The following CDH19 variants were observed in gnomAD, a reference collection of about 807,000 sequenced individuals.
The protein encoded by CDH19 is cadherin-19.
Under a neutral mutation model 64.2 loss-of-function variants are expected in CDH19, and 67 were observed. That is an observed-to-expected ratio of 1.04 (90% CI 0.86 to 1.28). CDH19 has a LOEUF of 1.28. CDH19 is among the 50% of genes most tolerant of loss of function. The probability of loss-of-function intolerance (pLI) is 0.00; values close to 1 mark genes in which losing one functional copy is unlikely to be tolerated. For missense variants in CDH19, 1,030 were observed against 929.0 expected, an observed-to-expected ratio of 1.11 and a Z score of -1.41; for synonymous variants, 346 against 319.3, an observed-to-expected ratio of 1.08 and a Z score of -0.89.
chr18:66,527,609 G>C (rs1986273651), intron 9 of CDH19, among the ~76,000 whole-genome samples: 1 of 152,028 alleles, frequency 6.6e-6, no homozygotes, highest in South Asian at 2.1e-4. Flanking sequence ...ATTTAGCCGG[G>C]TGTGGTGGCG....
In CDH19 at chr18:66,509,071, G is replaced by C. The variant is rs1985341949; in HGVS notation, c.1752C>G (p.Tyr584Ter). 6.2e-7 allele frequency: 1 copy of C among 1,612,630 alleles called. No homozygotes were observed. The highest frequency in any genetic ancestry group is 8.5e-7 in the Non-Finnish European group (1 of 1,179,134). ...ATCCCATGGAAAGCACAAGCTCCTGGTACTGGCAGGTCTGTGTGCTCCCAC... is the reference window on the plus strand; with the variant it reads ...ATCCCATGGAAAGCACAAGCTCCTGCTACTGGCAGGTCTGTGTGCTCCCAC... ...GDSGSTQTCQ[Y>*]QELVLSMGFK... Residue 584 changes from tyrosine (Y) to a stop codon, truncating the protein, a stop_gained, in exon 11 of 12, where the codon TAC (tyrosine) becomes TAG (stop). Coordinates refer to ENST00000262150, the MANE Select transcript of CDH19 (RefSeq NM_021153.4). LOFTEE classifies it high-confidence loss of function.
chr18:66,564,614 T>C (rs75063387), intron 3 of CDH19, among the ~76,000 whole-genome samples: 6,886 of 151,988 alleles, frequency 0.045, 229 homozygotes, highest in Admixed American at 0.1. Flanking sequence ...GGAAGTCAGA[T>C]TTTAAATTTT....
In CDH19 at chr18:66,568,402, TTAATA is replaced by T. The variant is rs757326864; in HGVS notation, c.490+9_490+13del. On this transcript the variant is annotated intron_variant, in intron 3 of 11. Coordinates refer to ENST00000262150, the MANE Select transcript of CDH19 (RefSeq NM_021153.4). Reference sequence around the variant, plus strand: ...ATTGTTAATATATCTTTGATGTAAATTAATATGCAATACCTTCTGGAGACATCTCT... The same window carrying T: ...ATTGTTAATATATCTTTGATGTAAATTGCAATACCTTCTGGAGACATCTCT... The T allele has an allele frequency of 6.3e-7, 1 of 1,584,988 alleles. No individual in the cohort carries two copies. Among genetic ancestry groups the T allele is most frequent in the Admixed American group, 1.8e-5 (1 of 56,928 alleles).
At chr18:66,524,272 G>T (rs1986120671) in intron 9 of CDH19, among the ~76,000 whole-genome samples, 1 of 151,862 alleles carries the variant, frequency 6.6e-6, no homozygotes, top group Non-Finnish European at 1.5e-5. Context: ...TTGCGCTGCT[G>T]CTTTGGAACT....
chr18:66,595,142 A>G (rs1220588471), intron 1 of CDH19, among the ~76,000 whole-genome samples: 1 of 152,032 alleles, frequency 6.6e-6, no homozygotes, highest in Non-Finnish European at 1.5e-5. Flanking sequence ...GTTCTTTGAA[A>G]CTAATGAAAA....
chr18:66,600,859 T>C (rs1229551890), intron 1 of CDH19, among the ~76,000 whole-genome samples: 1 of 151,830 alleles, frequency 6.6e-6, no homozygotes, highest in Admixed American at 6.6e-5. Context: ...GAGAAAATAA[T>C]CAAAAATAAA....
Position 66,501,247 on chromosome 18 carries a change from G to A in CDH19, c.*3565C>T, listed in dbSNP as rs1206871866. The A allele has an allele frequency of 1.3e-5, 2 of 152,018 alleles. No individual in the cohort carries two copies. The highest frequency in any genetic ancestry group is 1.9e-4 in the East Asian group (1 of 5,186). The allele number at this position is 152,018 out of a possible 1,614,324, so 9.4% of individuals were successfully genotyped here. ...TGTGTGCTAGAAACATTTTTTATAC[G>A]ATGATAAATGAACAAGACTGACAAT... On this transcript the variant is annotated 3_prime_UTR_variant, in exon 12 of 12. Transcript: ENST00000262150.
chr18:66,551,140 T>G lies in CDH19; in HGVS notation c.729A>C (p.Leu243Phe), dbSNP rs1008811981. 6.2e-7 allele frequency: 1 copy of G among 1,607,990 alleles called. No homozygotes were observed. The highest frequency in any genetic ancestry group is 8.5e-7 in the Non-Finnish European group (1 of 1,174,930). Residue 243 changes from leucine (L) to phenylalanine (F), a missense_variant, in exon 5 of 12, where the codon TTA (leucine) becomes TTC (phenylalanine). By Grantham distance (22) the Leu-to-Phe change is conservative. Transcript: ENST00000262150. ...PGALSGTTSV[L>F]IKLSDVNDNK... ...TGTCATTAACATCTGAAAGTTTAAT[T>G]AATACACTTGTTGTTCCAGACAACG...
intron 9 of CDH19, among the ~76,000 whole-genome samples, chr18:66,519,141 C>G (rs917180523): frequency 6.6e-6 from 1 of 152,176 alleles, no homozygotes; most frequent in Non-Finnish European, 1.5e-5. Context: ...CTGCTCCACT[C>G]TCATCTCCAA....
At chr18:66,541,677 A>G (rs1180206200) in intron 7 of CDH19, among the ~76,000 whole-genome samples, 4 of 152,176 alleles carry the variant, frequency 2.6e-5, no homozygotes, top group Admixed American at 6.5e-5. Flanking sequence ...ATGAAAAGCA[A>G]TATTATTTAA....
At chr18:66,561,128 T>C (rs1213145415) in intron 3 of CDH19, among the ~76,000 whole-genome samples, 1 of 152,100 alleles carries the variant, frequency 6.6e-6, no homozygotes, top group East Asian at 1.9e-4. Context: ...GAGAAGTCTA[T>C]TTATTGCTCA....
At chr18:66,528,572 T>C (rs1306113146) in intron 9 of CDH19, among the ~76,000 whole-genome samples, 3 of 152,122 alleles carry the variant, frequency 2.0e-5, no homozygotes, top group Non-Finnish European at 4.4e-5. Context: ...TTTTGGAAAA[T>C]ATTTATAGGC....
chr18:66,509,729 C>T (rs1351249933), intron 10 of CDH19, among the ~76,000 whole-genome samples: 3 of 151,696 alleles, frequency 2.0e-5, no homozygotes, highest in African/African-American at 7.2e-5. Context: ...TTTTCTAATA[C>T]TTGTGACCCA....
rs755019694 is a variant in CDH19 at position 66,535,035 on chromosome 18, A to G, written c.1287T>C (p.Asp429=). The change falls in exon 8 of 12, where the codon GAT becomes GAC. Residue 429 remains aspartate (D), a synonymous_variant. Transcript: ENST00000262150. ...GGTTGTACCAAGCACTGATTTCACG[A>G]TCCAGTGAGTTACTTGTAGTGATTG... ...NGTITTSNSL[D]REISAWYNLS... is the part of the protein sequence containing the mutation. 4 of 1,524,144 alleles carry G rather than the reference A, an allele frequency of 2.6e-6. No homozygotes were observed. Among genetic ancestry groups the G allele is most frequent in the Non-Finnish European group, 3.6e-6 (4 of 1,120,722 alleles). 94.4% of individuals were successfully genotyped at this position (1,524,144 alleles called of 1,614,324 possible).
At chr18:66,524,948 T>G (rs545554000) in intron 9 of CDH19, among the ~76,000 whole-genome samples, 61 of 152,254 alleles carry the variant, frequency 4.0e-4, no homozygotes, top group African/African-American at 1.4e-3. Flanking sequence ...TTTTTCCATT[T>G]CGTTTGTGCC....
intron 9 of CDH19, among the ~76,000 whole-genome samples, chr18:66,515,452 C>T (rs995134368): frequency 6.6e-6 from 1 of 151,720 alleles, no homozygotes; most frequent in African/African-American, 2.4e-5. Flanking sequence ...GTAGAACCAA[C>T]AAGAAAGTCT....
At chr18:66,576,642 T>C (rs1367899496) in intron 1 of CDH19, among the ~76,000 whole-genome samples, 1 of 151,476 alleles carries the variant, frequency 6.6e-6, no homozygotes, top group East Asian at 1.9e-4. Flanking sequence ...CAAGATGAAA[T>C]AAAACCTTAT....
intron 1 of CDH19, among the ~76,000 whole-genome samples, chr18:66,587,165 G>C (rs963729854): frequency 6.6e-6 from 1 of 152,088 alleles, no homozygotes; most frequent in Non-Finnish European, 1.5e-5. Context: ...ATATAAGTAA[G>C]AGAATCAATA....
chr18:66,590,806 A>G (rs1022913626), intron 1 of CDH19, among the ~76,000 whole-genome samples: 1 of 152,000 alleles, frequency 6.6e-6, no homozygotes, highest in Non-Finnish European at 1.5e-5. Flanking sequence ...ATTTAAAAGC[A>G]TGGTGAGCCT....
Sources: allele counts gnomAD v4.1 joint callset (sites outside exome capture counted in the v4.1 genomes callset), GRCh38; gene constraint gnomAD v4.1.1; transcripts MANE v1.5; gene names NCBI Gene and HGNC (gene_info 2026-07-23, HGNC 2026-07-21).